Variants in PCDH15 observed in about 807,000 individuals in gnomAD.
PCDH15 encodes protocadherin related 15.
In PCDH15, 129 loss-of-function variants were observed where a neutral mutation model predicts 178.5. That is an observed-to-expected ratio of 0.72 (90% CI 0.63 to 0.84). The LOEUF (loss-of-function observed/expected upper bound fraction) is 0.84, where lower values mean the gene tolerates loss of function less well. Ranked by LOEUF, PCDH15 falls within the 40% of genes least tolerant of loss-of-function variation. PCDH15 has a pLI of 0.00. For synonymous variants in PCDH15, 800 were observed against 732.0 expected (o/e 1.09, Z -1.50); for missense variants, 2,230 against 2,099.9 (o/e 1.06, Z -1.21).
intron 2 of PCDH15, among the ~76,000 whole-genome samples, chr10:55,490,538 A>C (rs1213904856): frequency 6.6e-6 from 1 of 151,940 alleles, no homozygotes; most frequent in African/African-American, 2.4e-5. Context: ...GGATTGTCCT[A>C]GGGACCTCAG....
At chr10:55,186,353 C>A (rs1021779824) in intron 1 of PCDH15, among the ~76,000 whole-genome samples, 11 of 150,730 alleles carry the variant, frequency 7.3e-5, no homozygotes, top group African/African-American at 1.7e-4. Flanking sequence ...TTTTAAAAAA[C>A]CAATTGAACT....
At chr10:54,812,500 C>T (rs1455035554) in intron 3 of PCDH15, among the ~76,000 whole-genome samples, 1 of 151,830 alleles carries the variant, frequency 6.6e-6, no homozygotes. Flanking sequence ...CACTCTGTCG[C>T]CAGGTTGGAG....
intron 1 of PCDH15, among the ~76,000 whole-genome samples, chr10:55,290,921 T>C (rs112360473): frequency 0.014 from 2,089 of 152,250 alleles, 48 homozygotes; most frequent in African/African-American, 0.047. Context: ...TTAACAGTTA[T>C]GAAACGTCCA....
chr10:54,123,439 C>T (rs1373035443), intron 15 of PCDH15, among the ~76,000 whole-genome samples: 1 of 152,078 alleles, frequency 6.6e-6, no homozygotes, highest in African/African-American at 2.4e-5. Context: ...TATCACTAAT[C>T]ATCAGAGAAA....
chr10:55,472,086 A>G (rs1388089150), intron 2 of PCDH15, among the ~76,000 whole-genome samples: 1 of 152,144 alleles, frequency 6.6e-6, no homozygotes, highest in Non-Finnish European at 1.5e-5. Context: ...CATAGTGGTA[A>G]CTTGCTCGTT....
At chr10:54,047,281 C>T (rs753387645) in intron 18 of PCDH15, among the ~76,000 whole-genome samples, 1 of 151,790 alleles carries the variant, frequency 6.6e-6, no homozygotes, top group Non-Finnish European at 1.5e-5. Flanking sequence ...CTTTGCCTGT[C>T]CCATGAGTGG....
chr10:54,870,816 A>T lies in PCDH15; in HGVS notation c.-29+26634T>A, dbSNP rs576840673. Reference sequence around the variant, plus strand: ...AATAAAAAAATAAAAAAATAAAAAAAAAATCCACGGAAAAATATCTAACAT... The same window carrying T: ...AATAAAAAAATAAAAAAATAAAAAATAAATCCACGGAAAAATATCTAACAT... On this transcript the variant is annotated intron_variant, in intron 3 of 5. Coordinates refer to the PCDH15 transcript ENST00000458638. 1.9e-3 allele frequency among the ~76,000 whole-genome samples: 296 copies of T among 152,028 alleles called. 2 individuals are homozygous for T. The highest frequency in any genetic ancestry group is 0.01 in the Middle Eastern group (3 of 292).
chr10:55,530,913 C>G (rs570115383), intron 2 of PCDH15, among the ~76,000 whole-genome samples: 2 of 152,086 alleles, frequency 1.3e-5, no homozygotes, highest in East Asian at 3.9e-4. Flanking sequence ...TTATTTTCAA[C>G]TATACATTCA....
At chr10:54,202,459 C>G (rs552923649) in intron 10 of PCDH15, among the ~76,000 whole-genome samples, 7 of 152,042 alleles carry the variant, frequency 4.6e-5, no homozygotes, top group African/African-American at 1.7e-4. Flanking sequence ...GGCAACCACA[C>G]AAGGCAATCA....
chr10:55,593,945 T>C (rs1216332599), intron 2 of PCDH15, among the ~76,000 whole-genome samples: 2 of 151,888 alleles, frequency 1.3e-5, no homozygotes, highest in East Asian at 3.9e-4. Flanking sequence ...ATGTATTTAG[T>C]ATTAATTGAA....
At chr10:54,547,160 C>A (rs985436146) in intron 2 of PCDH15, among the ~76,000 whole-genome samples, 4 of 152,028 alleles carry the variant, frequency 2.6e-5, no homozygotes, top group African/African-American at 4.8e-5. Flanking sequence ...TATGTTCCAC[C>A]ATGAACAAAG....
chr10:54,583,858 G>C (rs373585662), intron 2 of PCDH15, among the ~76,000 whole-genome samples: 3 of 152,094 alleles, frequency 2.0e-5, no homozygotes, highest in African/African-American at 7.2e-5. Flanking sequence ...TTTACTTGAA[G>C]TTAAAATGGT....
intron 2 of PCDH15, among the ~76,000 whole-genome samples, chr10:54,662,803 T>C (rs911571770): frequency 3.3e-5 from 5 of 152,016 alleles, no homozygotes; most frequent in Non-Finnish European, 5.9e-5. Context: ...TACCAATACA[T>C]TGATTTCCAA....
intron 17 of PCDH15, among the ~76,000 whole-genome samples, chr10:54,076,130 T>C (rs1368797048): frequency 1.3e-5 from 2 of 152,152 alleles, no homozygotes; most frequent in Non-Finnish European, 2.9e-5. Context: ...TTATTTAATT[T>C]CTTTCCAAAA....
At chr10:54,750,166 T>C (rs959293592) in intron 1 of PCDH15, among the ~76,000 whole-genome samples, 1 of 152,104 alleles carries the variant, frequency 6.6e-6, no homozygotes, top group Non-Finnish European at 1.5e-5. Flanking sequence ...AAAATGCAGT[T>C]GGAGAAATCA....
chr10:54,862,180 A>T (rs531467435), intron 3 of PCDH15, among the ~76,000 whole-genome samples: 7 of 152,198 alleles, frequency 4.6e-5, no homozygotes, highest in African/African-American at 1.7e-4. Context: ...GATTTAAACA[A>T]TGCACACAGA....
chr10:55,129,419 T>A (rs574164906), intron 2 of PCDH15, among the ~76,000 whole-genome samples: 3 of 152,272 alleles, frequency 2.0e-5, no homozygotes, highest in African/African-American at 7.2e-5. Flanking sequence ...TAGGTCCTTG[T>A]CATTGAAGTT....
intron 6 of PCDH15, among the ~76,000 whole-genome samples, chr10:54,330,731 C>A (rs187558597): frequency 6.6e-6 from 1 of 151,992 alleles, no homozygotes; most frequent in African/African-American, 2.4e-5. Context: ...TGTATTCACA[C>A]CTTAAGGGAG....
At chr10:54,779,473 TACAC>T (rs1555192811) in intron 1 of PCDH15, among the ~76,000 whole-genome samples, 3 of 110,548 alleles carry the variant, frequency 2.7e-5, no homozygotes, top group South Asian at 2.9e-4. Flanking sequence ...TGTATATATA[TACAC>T]ACATATATAT....
Sources: gnomAD v4.1 joint callset for allele counts (sites outside exome capture counted in the v4.1 genomes callset) on GRCh38, gnomAD v4.1.1 for gene constraint, MANE v1.5 for transcripts, NCBI Gene and HGNC (gene_info 2026-07-23, HGNC 2026-07-21) for gene names.